The following TASP1 variants were observed in gnomAD, a reference collection of about 807,000 sequenced individuals.
TASP1 encodes the protein threonine aspartase 1.
TASP1 carries 16 observed loss-of-function variants against 56.6 expected under a neutral mutation model. The observed-to-expected ratio is 0.28, with a 90% confidence interval of 0.19 to 0.43. TASP1 has a LOEUF of 0.43. TASP1 is among the 20% of genes least tolerant of loss of function. The pLI is 1.00. For missense variants in TASP1, 393 were observed against 511.6 expected (o/e 0.77, Z 2.24); for synonymous variants, 179 against 184.2 (o/e 0.97, Z 0.23).
chr20:13,221,942 C>G, the TASP1 span: 2 of 1,313,434 alleles, frequency 1.5e-6, no homozygotes, highest in Non-Finnish European at 1.9e-6. Context: ...GAGGGCCGTG[C>G]GCGGCTGCGG....
At position 13,389,930 on chromosome 20, in the gene TASP1, A is replaced by C. The variant is rs537366212; in HGVS notation, c.*430T>G. Reference sequence around the variant, plus strand: ...ACTGTCAAGTCATTTAAACAAGTAGATTTACTCTTCAGTTCTGACATATCA... The same window carrying C: ...ACTGTCAAGTCATTTAAACAAGTAGCTTTACTCTTCAGTTCTGACATATCA... On this transcript the variant is annotated 3_prime_UTR_variant, in exon 14 of 14. Coordinates refer to ENST00000337743, the MANE Select transcript of TASP1 (RefSeq NM_017714.3). The C allele has an allele frequency of 1.8e-5, 3 of 166,144 alleles. No homozygotes were observed. In the South Asian group the frequency reaches 4.6e-4, roughly 26 times the overall value. 10.3% of individuals were successfully genotyped at this position (166,144 alleles called of 1,614,324 possible).
intron 4 of TASP1, among the ~76,000 whole-genome samples, chr20:13,612,675 T>G (rs2048388646): frequency 6.6e-6 from 1 of 152,130 alleles, no homozygotes; most frequent in Non-Finnish European, 1.5e-5. Context: ...TAGGGAAAAG[T>G]TGACTCTTCC....
rs2042956590 is a variant in TASP1, at chr20:13,435,107, C to T, written c.1033G>A (p.Val345Ile). ...GCAGAACATCTGCATGAACGGAGGA[C>T]AATCACTCCGCCAAGCACGCCATCT... ...SEDGVLGGVI[V>I]LRSCRCSAEP... is the part of the protein sequence containing the mutation. The change falls in exon 12 of 14, where the codon GTC becomes ATC. Residue 345 changes from valine (V) to isoleucine (I), a missense_variant. Val to Ile is a conservative substitution (Grantham distance 29, BLOSUM62 3). Transcript: ENST00000337743. 6.2e-7 allele frequency: 1 copy of T among 1,610,370 alleles called. No individual in the cohort carries two copies. The highest frequency in any genetic ancestry group is 2.2e-5 in the East Asian group (1 of 44,630).
chr20:13,247,946 C>T, the TASP1 span, among the ~76,000 whole-genome samples: 1 of 152,214 alleles, frequency 6.6e-6, no homozygotes, highest in African/African-American at 2.4e-5. Flanking sequence ...AATCCCTTGC[C>T]TTTGTGGGTC....
intron 13 of TASP1, among the ~76,000 whole-genome samples, chr20:13,417,224 G>T (rs1030492578): frequency 1.9e-4 from 29 of 152,162 alleles, no homozygotes; most frequent in Non-Finnish European, 1.0e-4. Context: ...AAGTGGGCAG[G>T]CTCCTCCTAA....
chr20:13,178,538 T>C, the TASP1 span, among the ~76,000 whole-genome samples: 3 of 152,092 alleles, frequency 2.0e-5, no homozygotes, highest in Non-Finnish European at 4.4e-5. Context: ...AAATGTGGTA[T>C]ATATACACAA....
At chr20:13,227,485 G>T in the TASP1 span, among the ~76,000 whole-genome samples, 1 of 145,398 alleles carries the variant, frequency 6.9e-6, no homozygotes, top group South Asian at 2.2e-4. Context: ...TTACAGGTGT[G>T]AGCCACCATG....
At chr20:13,311,216 T>TA in the TASP1 span, among the ~76,000 whole-genome samples, 2 of 133,206 alleles carry the variant, frequency 1.5e-5, no homozygotes, top group Admixed American at 7.6e-5. Context: ...TATAGATAGA[T>TA]GATAGATAGA....
chr20:13,330,182 T>C, the TASP1 span, among the ~76,000 whole-genome samples: 3 of 152,132 alleles, frequency 2.0e-5, no homozygotes, highest in Non-Finnish European at 4.4e-5. Context: ...TCTGAACTCC[T>C]GACCTCAAGT....
At chr20:13,157,714 A>C in the TASP1 span, among the ~76,000 whole-genome samples, 1 of 152,224 alleles carries the variant, frequency 6.6e-6, no homozygotes, top group African/African-American at 2.4e-5. Flanking sequence ...GTTAGTTACA[A>C]AAGGTAATAT....
At chr20:13,340,313 C>T in the TASP1 span, among the ~76,000 whole-genome samples, 21,139 of 152,094 alleles carry the variant, frequency 0.14, 1,784 homozygotes, top group African/African-American at 0.22. Context: ...ATTGCAACAC[C>T]GAACCAATGC....
At chr20:13,304,544 C>G in the TASP1 span, among the ~76,000 whole-genome samples, 1 of 152,224 alleles carries the variant, frequency 6.6e-6, no homozygotes, top group African/African-American at 2.4e-5. Context: ...GCCCAACTTT[C>G]AAGCAGCAGC....
the TASP1 span, among the ~76,000 whole-genome samples, chr20:13,364,479 G>T: frequency 6.6e-6 from 1 of 152,120 alleles, no homozygotes; most frequent in Non-Finnish European, 1.5e-5. Flanking sequence ...AGGAGTGGCA[G>T]AGGCTGATTA....
chr20:13,163,779 A>G, the TASP1 span, among the ~76,000 whole-genome samples: 1 of 152,214 alleles, frequency 6.6e-6, no homozygotes, highest in Non-Finnish European at 1.5e-5. Context: ...TTTTCAAAGC[A>G]TTAGACCCTA....
chr20:13,571,785 G>C (rs916410251), intron 6 of TASP1, among the ~76,000 whole-genome samples: 1 of 152,008 alleles, frequency 6.6e-6, no homozygotes. Context: ...GATCCTTACC[G>C]CTCCCCAGTT....
At chr20:13,636,608 G>A (rs1360974916) in intron 1 of TASP1, among the ~76,000 whole-genome samples, 1 of 152,132 alleles carries the variant, frequency 6.6e-6, no homozygotes, top group African/African-American at 2.4e-5. Context: ...AAGGTTTTAT[G>A]CCTTTTATAC....
the TASP1 span, among the ~76,000 whole-genome samples, chr20:13,372,531 A>G: frequency 6.6e-6 from 1 of 151,288 alleles, no homozygotes; most frequent in Non-Finnish European, 1.5e-5. Context: ...CATGTTATAT[A>G]TGTATACACA....
At chr20:13,552,742 A>G (rs982973532) in intron 8 of TASP1, among the ~76,000 whole-genome samples, 6 of 152,228 alleles carry the variant, frequency 3.9e-5, no homozygotes, top group Non-Finnish European at 5.9e-5. Context: ...ATATGACATC[A>G]TAAGTTACAT....
chr20:13,635,587 T>C (rs138761722), intron 1 of TASP1, among the ~76,000 whole-genome samples: 1,558 of 152,032 alleles, frequency 0.01, 34 homozygotes, highest in African/African-American at 0.036. Context: ...AGGAATTCAC[T>C]ATGTTGGCCA....
Sources: allele counts gnomAD v4.1 joint callset (sites outside exome capture counted in the v4.1 genomes callset), GRCh38; gene constraint gnomAD v4.1.1; transcripts MANE v1.5; gene names NCBI Gene and HGNC (gene_info 2026-07-23, HGNC 2026-07-21).